The following PTPRN2 variants were observed in gnomAD, a reference collection of about 807,000 sequenced individuals.
PTPRN2 encodes the protein protein tyrosine phosphatase receptor type N2.
In PTPRN2, 74 loss-of-function variants were observed where a neutral mutation model predicts 118.8. The observed-to-expected ratio is 0.62, with a 90% confidence interval of 0.52 to 0.76. The LOEUF (loss-of-function observed/expected upper bound fraction) is 0.76, where lower values mean the gene tolerates loss of function less well. Among genes scored for constraint, PTPRN2 ranks in the 30% least tolerant of loss-of-function variants. The probability of loss-of-function intolerance (pLI) is 0.00; values close to 1 mark genes in which losing one functional copy is unlikely to be tolerated. For missense variants in PTPRN2, 1,481 were observed against 1,394.4 expected (o/e 1.06, Z -0.99); for synonymous variants, 641 against 608.0 (o/e 1.05, Z -0.80).
chr7:157,805,093 A>T (rs1486077668), intron 12 of PTPRN2, among the ~76,000 whole-genome samples: 1 of 152,230 alleles, frequency 6.6e-6, no homozygotes, highest in Non-Finnish European at 1.5e-5. Flanking sequence ...GGATACAGAT[A>T]ATAGCTGTAC....
chr7:157,776,294 CCTT>C (rs1219999472), intron 12 of PTPRN2, among the ~76,000 whole-genome samples: 4 of 42,674 alleles, frequency 9.4e-5, no homozygotes, highest in East Asian at 8.5e-4. Context: ...TCCCTGTCCT[CCTT>C]CTCCCTCTCC....
intron 11 of PTPRN2, among the ~76,000 whole-genome samples, chr7:158,054,538 C>A (rs1481117507): frequency 6.6e-6 from 1 of 152,244 alleles, no homozygotes; most frequent in Non-Finnish European, 1.5e-5. Flanking sequence ...ATTATTCATG[C>A]AACGAACACG....
chr7:158,219,861 T>A (rs969227891), intron 3 of PTPRN2, among the ~76,000 whole-genome samples: 1 of 151,682 alleles, frequency 6.6e-6, no homozygotes, highest in Non-Finnish European at 1.5e-5. Flanking sequence ...ATAATGACTT[T>A]CAAAATTGAA....
intron 12 of PTPRN2, chr7:157,864,369 G>C (rs1810472219): frequency 6.6e-6 from 1 of 152,150 alleles, no homozygotes; most frequent in Non-Finnish European, 1.5e-5. Context: ...TTCCTCCCGG[G>C]CTCCACCTGG....
intron 12 of PTPRN2, among the ~76,000 whole-genome samples, chr7:157,685,950 C>G (rs978837235): frequency 6.6e-6 from 1 of 152,156 alleles, no homozygotes; most frequent in African/African-American, 2.4e-5. Flanking sequence ...CTCCCCGCGC[C>G]GGTCCACAAG....
chr7:158,044,579 C>T (rs1326694621), intron 11 of PTPRN2, among the ~76,000 whole-genome samples: 7 of 151,698 alleles, frequency 4.6e-5, no homozygotes, highest in African/African-American at 1.7e-4. Flanking sequence ...GAGCTCGGGG[C>T]CTCGATCATT....
intron 11 of PTPRN2, among the ~76,000 whole-genome samples, chr7:158,037,430 G>A (rs561736615): frequency 4.7e-4 from 71 of 152,288 alleles, no homozygotes; most frequent in African/African-American, 1.5e-3. Context: ...CAACCTGCAC[G>A]GCATATCACT....
chr7:158,492,430 T>C (rs1161575685), intron 1 of PTPRN2, among the ~76,000 whole-genome samples: 1 of 152,248 alleles, frequency 6.6e-6, no homozygotes, highest in Non-Finnish European at 1.5e-5. Flanking sequence ...TTCCCATCTC[T>C]GCCTTAATCG....
At chr7:158,564,493 G>A (rs141758005) in intron 1 of PTPRN2, among the ~76,000 whole-genome samples, 233 of 152,354 alleles carry the variant, frequency 1.5e-3, no homozygotes, top group African/African-American at 5.3e-3. Context: ...CCAGCTGTGC[G>A]GCTGCCATCC....
intron 9 of PTPRN2, among the ~76,000 whole-genome samples, chr7:158,131,760 C>T (rs111204880): frequency 0.023 from 3,391 of 149,702 alleles, 123 homozygotes; most frequent in African/African-American, 0.07. Context: ...CATGCACATA[C>T]GCACAAACCG....
intron 13 of PTPRN2, among the ~76,000 whole-genome samples, chr7:157,666,280 A>G (rs73163855): frequency 0.095 from 14,473 of 152,182 alleles, 730 homozygotes; most frequent in Middle Eastern, 0.13. Context: ...GCGTCTCAGT[A>G]TAGCTGCTCT....
intron 2 of PTPRN2, among the ~76,000 whole-genome samples, chr7:158,359,454 G>A (rs1296502407): frequency 6.6e-6 from 1 of 152,118 alleles, no homozygotes; most frequent in Non-Finnish European, 1.5e-5. Flanking sequence ...CCAGCCGGGG[G>A]GACCCAGCTG....
intron 11 of PTPRN2, among the ~76,000 whole-genome samples, chr7:157,902,223 G>A (rs190807687): frequency 4.6e-4 from 70 of 152,364 alleles, no homozygotes; most frequent in Non-Finnish European, 7.6e-4. Context: ...CAGAACTTCC[G>A]GAAAGGGCGT....
intron 11 of PTPRN2, among the ~76,000 whole-genome samples, chr7:157,943,484 T>C (rs141991800): frequency 6.6e-6 from 1 of 152,184 alleles, no homozygotes; most frequent in Non-Finnish European, 1.5e-5. Context: ...CAGCACCAGC[T>C]TCAGCCCCCA....
chr7:158,332,734 CCAT>C (rs1395548928), intron 2 of PTPRN2, among the ~76,000 whole-genome samples: 5 of 151,386 alleles, frequency 3.3e-5, no homozygotes, highest in South Asian at 2.1e-4. Context: ...CACACTCTCA[CCAT>C]AAGAGCTGAG....
In PTPRN2 at chr7:157,986,767, G is replaced by T. The variant is rs1318397380; in HGVS notation, c.1724-88030C>A. On this transcript the variant is annotated intron_variant, in intron 11 of 22. Transcript: ENST00000389418. The surrounding 1 kb of genome is among the most constrained non-coding windows in gnomAD (Gnocchi z 4.5). ...ATGAAACCCAAGGACCATCCAGTTG[G>T]CAGGACTGGAAGTAACTGGGCAGAG... 6.6e-6 allele frequency among the ~76,000 whole-genome samples: 1 copy of T among 152,160 alleles called. No individual in the cohort carries two copies. Among genetic ancestry groups the T allele is most frequent in the Non-Finnish European group, 1.5e-5 (1 of 68,038 alleles).
chr7:158,387,563 A>C (rs1811553549), intron 2 of PTPRN2, among the ~76,000 whole-genome samples: 4 of 152,294 alleles, frequency 2.6e-5, no homozygotes, highest in East Asian at 1.9e-4. Context: ...GGGCTGCGGC[A>C]TCCCTGTCAG....
rs189295845 is a variant in PTPRN2, at chr7:158,343,414, C to T, written c.164-26482G>A. On this transcript the variant is annotated intron_variant, in intron 2 of 22. Coordinates refer to ENST00000389418, the MANE Select transcript of PTPRN2 (RefSeq NM_002847.5). ...AAACGAAGCAAAACCGAAAATAACG[C>T]GTGTGGGTGAGAACATGGAGAAAAT... 3.1e-3 allele frequency among the ~76,000 whole-genome samples: 472 copies of T among 152,262 alleles called. 4 individuals are homozygous for T. Among genetic ancestry groups the T allele is most frequent in the African/African-American group, 0.01 (425 of 41,550 alleles).
chr7:158,492,683 T>C (rs1340115383), intron 1 of PTPRN2, among the ~76,000 whole-genome samples: 1 of 152,258 alleles, frequency 6.6e-6, no homozygotes, highest in Non-Finnish European at 1.5e-5. Flanking sequence ...GTGGATATGC[T>C]AATTTGACTG....
Sources: gnomAD v4.1 joint callset for allele counts (sites outside exome capture counted in the v4.1 genomes callset) on GRCh38, gnomAD v4.1.1 for gene constraint, Gnocchi (gnomAD v3.1) non-coding constraint, MANE v1.5 for transcripts, NCBI Gene and HGNC (gene_info 2026-07-23, HGNC 2026-07-21) for gene names.